Variants in SGK3 observed in about 807,000 individuals in gnomAD.
SGK3 encodes the protein serum/glucocorticoid regulated kinase family member 3.
In SGK3, 47 loss-of-function variants were observed where a neutral mutation model predicts 68.5. That is an observed-to-expected ratio of 0.69 (90% CI 0.54 to 0.87). SGK3 has a LOEUF of 0.87. SGK3 is among the 40% of genes least tolerant of loss of function. The pLI is 0.00. For missense variants in SGK3, 479 were observed against 575.5 expected (o/e 0.83, Z 1.72); for synonymous variants, 181 against 189.1 (o/e 0.96, Z 0.35).
Position 66,846,504 on chromosome 8 carries a change from C to T in SGK3, c.1075-689C>T, listed in dbSNP as rs186597958. Among the ~76,000 whole-genome samples the T allele has an allele frequency of 3.7e-3, 568 of 152,014 alleles. 6 individuals are homozygous for T. The highest frequency in any genetic ancestry group is 0.035 in the South Asian group (169 of 4,812). On this transcript the variant is annotated intron_variant, in intron 14 of 16. Transcript: ENST00000521198. The stretch of plus-strand genomic sequence containing the variant: ...TGGTTTTTTATTTTTTCAGTAGAGA[C>T]GGTTTCACCATGTTGCCCAGGCTGG...
intron 1 of SGK3, among the ~76,000 whole-genome samples, chr8:66,730,110 A>T (rs1041804996): frequency 3.3e-5 from 5 of 152,200 alleles, no homozygotes; most frequent in African/African-American, 1.2e-4. Flanking sequence ...ACATTTCTCT[A>T]CATCCTCACC....
At chr8:66,798,738 A>C (rs1217160894) in intron 3 of SGK3, 113 bp downstream of exon 3, 1 of 863,386 alleles carries the variant, frequency 1.2e-6, no homozygotes, top group East Asian at 2.6e-5. Flanking sequence ...TATGTCAGAC[A>C]GGCAGACAAA....
intron 16 of SGK3, among the ~76,000 whole-genome samples, chr8:66,853,319 G>T (rs1810369262): frequency 6.6e-6 from 1 of 152,100 alleles, no homozygotes; most frequent in Admixed American, 6.6e-5. Context: ...CAGTGTTGTG[G>T]AATTAAAATA....
At chr8:66,738,822 G>A (rs1013990598) in intron 1 of SGK3, among the ~76,000 whole-genome samples, 29 of 152,070 alleles carry the variant, frequency 1.9e-4, no homozygotes, top group African/African-American at 6.5e-4. Flanking sequence ...AGTAGAGACG[G>A]GGTTTCACCA....
intron 1 of SGK3, among the ~76,000 whole-genome samples, chr8:66,778,395 C>T (rs1806807514): frequency 6.6e-6 from 1 of 152,200 alleles, no homozygotes; most frequent in African/African-American, 2.4e-5. Flanking sequence ...CTCCCGGGTT[C>T]ACGCCATTCT....
At chr8:66,781,492 G>A (rs998835991) in intron 1 of SGK3, among the ~76,000 whole-genome samples, 1 of 152,204 alleles carries the variant, frequency 6.6e-6, no homozygotes, top group Admixed American at 6.5e-5. Flanking sequence ...GAGATTAGAA[G>A]CATGAGCCAC....
chr8:66,731,777 G>A (rs550994040), intron 1 of SGK3, among the ~76,000 whole-genome samples: 3,575 of 152,178 alleles, frequency 0.023, 74 homozygotes, highest in South Asian at 0.053. Flanking sequence ...CTCGTGATCC[G>A]CCTGCTTTGG....
At chr8:66,826,383 AAG>A (rs1753049640) in intron 6 of SGK3, among the ~76,000 whole-genome samples, 1 of 152,220 alleles carries the variant, frequency 6.6e-6, no homozygotes, top group Non-Finnish European at 1.5e-5. Flanking sequence ...ATTACATTGT[AAG>A]AGTCTAAGGA....
Position 66,861,519 on chromosome 8 carries a change from G to A in SGK3, c.*1938G>A, listed in dbSNP as rs1248692086. 6.6e-6 allele frequency: 1 copy of A among 152,098 alleles called. No homozygotes were observed. Among genetic ancestry groups the A allele is most frequent in the Non-Finnish European group, 1.5e-5 (1 of 68,026 alleles). 9.4% of individuals were successfully genotyped at this position (152,098 alleles called of 1,614,324 possible). ...AAAATAAGCTTACCTTGGATTCTTG[G>A]CTTAGAGTAGAGGTTTTTTTTAAGT... is the stretch of plus-strand genomic sequence containing the variant. On this transcript the variant is annotated 3_prime_UTR_variant, in exon 17 of 17. Transcript: ENST00000521198.
intron 8 of SGK3, among the ~76,000 whole-genome samples, chr8:66,833,464 A>C (rs1342282838): frequency 6.6e-6 from 1 of 152,198 alleles, no homozygotes; most frequent in Admixed American, 6.5e-5. Context: ...CTTCTTCAAG[A>C]GACTATTCTT....
At chr8:66,842,999 A>C (rs1809858317) in intron 13 of SGK3, among the ~76,000 whole-genome samples, 1 of 152,166 alleles carries the variant, frequency 6.6e-6, no homozygotes, top group Non-Finnish European at 1.5e-5. Flanking sequence ...TGAGCCCAGG[A>C]AGTCAAGGCT....
chr8:66,850,886 A>C lies in SGK3; in HGVS notation c.1286A>C (p.Gln429Pro), dbSNP rs779637244. The change falls in exon 16 of 17, where the codon CAA (glutamine) becomes CCA (proline). Residue 429 changes from glutamine (Q) to proline (P), a missense_variant. Physicochemically the swap from Gln to Pro is moderately conservative, Grantham distance 76. Around this residue, in one of 3 missense-constraint regions of SGK3, gnomAD observed 173 missense variants for 214.3 expected, o/e 0.81. Coordinates refer to ENST00000521198, the MANE Select transcript of SGK3 (RefSeq NM_001033578.3). ...FESLSWADLVQKKIPPPFNPN... is the reference protein window; with the variant it reads ...FESLSWADLVPKKIPPPFNPN... ...TCACTCAGCTGGGCTGACCTTGTAC[A>C]AAAGAAGATTCCACCACCATTTAAT... The C allele has an allele frequency of 1.9e-6, 3 of 1,611,984 alleles. No individual in the cohort carries two copies. Among genetic ancestry groups the C allele is most frequent in the Non-Finnish European group, 2.5e-6 (3 of 1,178,892 alleles).
chr8:66,836,146 A>C, intron 10 of SGK3, 72 bp downstream of exon 10: 1 of 1,537,542 alleles, frequency 6.5e-7, no homozygotes. Context: ...TTTTCTTGTA[A>C]GTTTTAGAAG....
At chr8:66,831,034 T>TA (rs1809281587) in intron 7 of SGK3, among the ~76,000 whole-genome samples, 1 of 152,214 alleles carries the variant, frequency 6.6e-6, no homozygotes, top group Non-Finnish European at 1.5e-5. Flanking sequence ...TAATGAGGCT[T>TA]AAAGTTATGA....
At chr8:66,849,343 A>G (rs1341974839) in intron 15 of SGK3, among the ~76,000 whole-genome samples, 1 of 152,146 alleles carries the variant, frequency 6.6e-6, no homozygotes, top group African/African-American at 2.4e-5. Context: ...CCATGTGGCT[A>G]TTCTGGCCAG....
intron 1 of SGK3, among the ~76,000 whole-genome samples, chr8:66,788,254 A>C (rs1807290450): frequency 6.6e-6 from 1 of 152,126 alleles, no homozygotes; most frequent in African/African-American, 2.4e-5. Context: ...TACCAAGTGG[A>C]TTACTGCTGT....
At chr8:66,723,121 ATATATATATATTTTTTTT>A (rs1804863570) in intron 1 of SGK3, among the ~76,000 whole-genome samples, 1 of 50,858 alleles carries the variant, frequency 2.0e-5, no homozygotes, top group African/African-American at 9.7e-5. Context: ...ATATATATAT[ATATATATATATTTTTTTT>A]TTTTTTTTTT....
At chr8:66,782,741 T>A (rs1807041953) in intron 1 of SGK3, among the ~76,000 whole-genome samples, 1 of 152,234 alleles carries the variant, frequency 6.6e-6, no homozygotes, top group Admixed American at 6.5e-5. Context: ...TGTAGCCTTT[T>A]CAGATTGGCT....
chr8:66,821,888 A>G (rs77925035), intron 5 of SGK3, among the ~76,000 whole-genome samples: 3,740 of 152,022 alleles, frequency 0.025, 160 homozygotes, highest in African/African-American at 0.084. Context: ...CAGGGAAAAT[A>G]CATACACAGT....
Sources: allele counts gnomAD v4.1 joint callset (sites outside exome capture counted in the v4.1 genomes callset), GRCh38; gene constraint gnomAD v4.1.1; regional missense constraint gnomAD v4.1.1; transcripts MANE v1.5; gene names NCBI Gene and HGNC (gene_info 2026-07-23, HGNC 2026-07-21).